STK32B: variants seen among roughly 807,000 people sequenced by gnomAD.
STK32B encodes the protein serine/threonine kinase 32B, also known as serine/threonine-protein kinase 32B.
A neutral mutation model predicts 52.6 loss-of-function variants in STK32B; 43 were observed. The observed-to-expected ratio is 0.82, with a 90% CI of 0.64 to 1.05. The LOEUF (loss-of-function observed/expected upper bound fraction) is 1.05. Ranked by LOEUF, STK32B falls within the 50% of genes least tolerant of loss-of-function variation. The pLI is 0.00. For synonymous variants in STK32B, 238 were observed against 204.3 expected (o/e 1.17, Z -1.41); for missense variants, 621 against 534.6 (o/e 1.16, Z -1.59).
intron 2 of STK32B, among the ~76,000 whole-genome samples, chr4:5,146,016 T>G (rs933792245): frequency 2.0e-5 from 3 of 151,872 alleles, no homozygotes; most frequent in African/African-American, 7.2e-5. Context: ...TCATTTTGAT[T>G]TGATTTTTTG....
chr4:5,174,563 C>G (rs1481671944), intron 3 of STK32B, among the ~76,000 whole-genome samples: 6 of 152,120 alleles, frequency 3.9e-5, no homozygotes, highest in Non-Finnish European at 5.9e-5. Context: ...ACTTATGCAG[C>G]ATAGTTTGGC....
intron 6 of STK32B, among the ~76,000 whole-genome samples, chr4:5,427,632 TTA>T (rs1259175275): frequency 6.6e-6 from 1 of 152,190 alleles, no homozygotes; most frequent in African/African-American, 2.4e-5. Context: ...ATTTGGTAGT[TTA>T]TGTCTTTCAA....
At chr4:5,243,033 T>C (rs1356776596) in intron 3 of STK32B, among the ~76,000 whole-genome samples, 4 of 152,192 alleles carry the variant, frequency 2.6e-5, no homozygotes, top group African/African-American at 9.7e-5. Context: ...CTTTGTTCTT[T>C]TGGCTTAGGA....
In STK32B at chr4:5,315,170, A is replaced by T. The variant is rs563383629; in HGVS notation, c.261-16050A>T. ...ATTAAAAAATGAGCAAAAGACATGA[A>T]CAGACATTTCCCAGAAGAGGACATA... On this transcript the variant is annotated intron_variant, in intron 3 of 11. Transcript: ENST00000282908. 3.9e-5 allele frequency among the ~76,000 whole-genome samples: 6 copies of T among 152,318 alleles called. 1 individual carries two copies. The highest frequency in any genetic ancestry group is 1.4e-4 in the African/African-American group (6 of 41,572).
At chr4:5,337,353 T>C (rs763511655) in intron 4 of STK32B, among the ~76,000 whole-genome samples, 2 of 152,104 alleles carry the variant, frequency 1.3e-5, no homozygotes, top group Non-Finnish European at 2.9e-5. Flanking sequence ...TGTGAGGGTA[T>C]ACATTTTCCC....
Position 5,219,448 on chromosome 4 carries a change from C to T in STK32B, c.260+50998C>T, listed in dbSNP as rs1723386477. On this transcript the variant is annotated intron_variant, in intron 3 of 11. Transcript: ENST00000282908. The stretch of plus-strand genomic sequence containing the variant: ...GAGCCTTGAGGAAGGTCAAGCTTTC[C>T]TTGTTGTGTTTTGCATGTTACTTAA... Among the ~76,000 whole-genome samples, 7 of 152,346 alleles carry T rather than the reference C, an allele frequency of 4.6e-5. No homozygotes were observed. The South Asian group carries it at 1.4e-3, about 32-fold the overall frequency.
intron 2 of STK32B, among the ~76,000 whole-genome samples, chr4:5,156,311 G>T (rs1056011613): frequency 1.3e-5 from 2 of 152,002 alleles, no homozygotes; most frequent in Non-Finnish European, 2.9e-5. Context: ...ATAAATGAAT[G>T]AAGAACTTAA....
At chr4:5,445,464 A>G (rs1715311556) in intron 6 of STK32B, among the ~76,000 whole-genome samples, 1 of 152,170 alleles carries the variant, frequency 6.6e-6, no homozygotes, top group Non-Finnish European at 1.5e-5. Flanking sequence ...ATGTTCCTGG[A>G]AGCCCACATA....
rs117147604 is a variant in STK32B, at chr4:5,369,692, G to A, written c.435-28515G>A. Among the ~76,000 whole-genome samples, 194 of 152,194 alleles carry A rather than the reference G, an allele frequency of 1.3e-3. 3 individuals carry two copies. The East Asian group carries it at 0.036, about 29-fold the overall frequency. ...TCTTTGTATTAATACATGAGAGTTT[G>A]GGGTGAGGGGTGAATGGTTGCCAGG... On this transcript the variant is annotated intron_variant, in intron 4 of 11. Coordinates refer to ENST00000282908, the MANE Select transcript of STK32B (RefSeq NM_018401.3).
Position 5,443,530 on chromosome 4 carries a change from T to C in STK32B, c.563-3143T>C, listed in dbSNP as rs540081362. On this transcript the variant is annotated intron_variant, in intron 6 of 11. Transcript: ENST00000282908. ...CTACATTTTTTTCAAAGTTTTCAAC[T>C]TCTTTGCCTTTGGTTTGAATGTCCT... 2.2e-3 allele frequency among the ~76,000 whole-genome samples: 328 copies of C among 152,294 alleles called. 2 individuals are homozygous for C. Among genetic ancestry groups the C allele is most frequent in the Middle Eastern group, 0.014 (4 of 294 alleles).
intron 1 of STK32B, among the ~76,000 whole-genome samples, chr4:5,093,530 G>A (rs547422023): frequency 1.3e-5 from 2 of 152,188 alleles, no homozygotes; most frequent in South Asian, 4.2e-4. Context: ...CGTGGACACA[G>A]GAAGGGGAAC....
At chr4:5,432,562 TAGGAGTTC>T (rs1188740929) in intron 6 of STK32B, among the ~76,000 whole-genome samples, 8 of 141,050 alleles carry the variant, frequency 5.7e-5, no homozygotes, top group Admixed American at 2.1e-4. Flanking sequence ...AGTTCATGAA[TAGGAGTTC>T]ATGAATATGA....
chr4:5,167,398 C>T (rs1718963772), intron 2 of STK32B, among the ~76,000 whole-genome samples: 1 of 152,176 alleles, frequency 6.6e-6, no homozygotes, highest in African/African-American at 2.4e-5. Context: ...CAGTGTCTGA[C>T]CTGCAGTAAA....
intron 4 of STK32B, among the ~76,000 whole-genome samples, chr4:5,389,111 T>C (rs1736435342): frequency 1.3e-5 from 2 of 152,216 alleles, no homozygotes; most frequent in Non-Finnish European, 2.9e-5. Flanking sequence ...ACAATAGATA[T>C]AAGACAGAAC....
At chr4:5,100,657 TTTCA>T (rs1353918983) in intron 1 of STK32B, among the ~76,000 whole-genome samples, 54 of 110,636 alleles carry the variant, frequency 4.9e-4, no homozygotes, top group African/African-American at 1.5e-3. Flanking sequence ...TCTCTTTCTC[TTTCA>T]TTCTTTCTTT....
chr4:5,290,750 C>A (rs184258042), intron 3 of STK32B, among the ~76,000 whole-genome samples: 282 of 108,718 alleles, frequency 2.6e-3, no homozygotes, highest in African/African-American at 9.3e-3. Flanking sequence ...CATTGAAAAA[C>A]TTAAATAAGA....
At chr4:5,158,290 C>T (rs1349539050) in intron 2 of STK32B, among the ~76,000 whole-genome samples, 4 of 152,118 alleles carry the variant, frequency 2.6e-5, no homozygotes, top group Non-Finnish European at 5.9e-5. Flanking sequence ...ACCAAGGGGG[C>T]CAGTGGCACA....
chr4:5,189,360 T>C (rs1347738427), intron 3 of STK32B, among the ~76,000 whole-genome samples: 1 of 152,240 alleles, frequency 6.6e-6, no homozygotes, highest in Admixed American at 6.5e-5. Flanking sequence ...TTCAGTGTTT[T>C]CAGAGTTGTG....
intron 1 of STK32B, among the ~76,000 whole-genome samples, chr4:5,073,720 A>G (rs1560137504): frequency 1.3e-5 from 2 of 151,960 alleles, no homozygotes; most frequent in Admixed American, 6.6e-5. Context: ...TTTCACTGTC[A>G]TTTTTGAAGA....
Sources: allele counts gnomAD v4.1 joint callset (sites outside exome capture counted in the v4.1 genomes callset), GRCh38; gene constraint gnomAD v4.1.1; transcripts MANE v1.5; gene names NCBI Gene and HGNC (gene_info 2026-07-23, HGNC 2026-07-21).